LAMA1: variants seen among roughly 807,000 people sequenced by gnomAD.
LAMA1 encodes the protein laminin subunit alpha 1.
Under a neutral mutation model 348.7 loss-of-function variants are expected in LAMA1, and 219 were observed. The observed-to-expected ratio is 0.63, with a 90% CI of 0.56 to 0.70. The LOEUF is 0.70. LAMA1 is among the 30% of genes least tolerant of loss of function. The pLI is 0.00. For missense variants in LAMA1, 3,744 were observed against 3,888.0 expected, an observed-to-expected ratio of 0.96 and a Z score of 0.99; for synonymous variants, 1,487 against 1,491.0, an observed-to-expected ratio of 1.00 and a Z score of 0.06.
chr18:7,017,149 G>T, intron 20 of LAMA1, 129 bp downstream of exon 20: 1 of 787,796 alleles, frequency 1.3e-6, no homozygotes, highest in Non-Finnish European at 2.2e-6. Flanking sequence ...AAATTCCCCA[G>T]TCTTGGGTAG....
chr18:7,052,251 A>G (rs1373370944), intron 3 of LAMA1, among the ~76,000 whole-genome samples: 1 of 151,790 alleles, frequency 6.6e-6, no homozygotes, highest in Non-Finnish European at 1.5e-5. Context: ...GCAACATGGT[A>G]AAATCCCATC....
rs371859724 is a variant in LAMA1, at chr18:6,962,007, A to G, written c.7390T>C (p.Ser2464Pro). 2 of 1,614,202 alleles carry G rather than the reference A, an allele frequency of 1.2e-6. No individual in the cohort carries two copies. Among genetic ancestry groups the G allele is most frequent in the South Asian group, 1.1e-5 (1 of 91,090 alleles). ...CTGAGTAAGTCAAAGGTTGATCTGG[A>G]TATTTCCAGGTTCTTGATGCAGCCC... ...FVGCIKNLEI[S>P]RSTFDLLRNS... Residue 2464 changes from serine to proline, a missense_variant, in exon 52 of 63, where the codon TCC (serine) becomes CCC (proline). Physicochemically the swap from Ser to Pro is moderately conservative, Grantham distance 74 (BLOSUM62 -1). This residue lies in a region of LAMA1 where 1,983 missense variants were observed against 1,934.3 expected (regional missense o/e 1.03). Coordinates refer to ENST00000389658, the MANE Select transcript of LAMA1 (RefSeq NM_005559.4).
chr18:7,029,848 T>A (rs2144155824), intron 16 of LAMA1, among the ~76,000 whole-genome samples: 1 of 152,240 alleles, frequency 6.6e-6, no homozygotes, highest in South Asian at 2.1e-4. Context: ...TAAGAGCAAC[T>A]GGAACCTCAT....
intron 40 of LAMA1, 101 bp from the exon 41 acceptor site, chr18:6,982,691 C>T: frequency 2.0e-6 from 2 of 989,118 alleles, no homozygotes; most frequent in South Asian, 1.3e-5. Flanking sequence ...CAGACACATT[C>T]CCAGCAAGAA....
intron 42 of LAMA1, among the ~76,000 whole-genome samples, chr18:6,979,891 T>G (rs1444533579): frequency 6.6e-6 from 1 of 152,124 alleles, no homozygotes; most frequent in African/African-American, 2.4e-5. Flanking sequence ...AGAGCGAGAC[T>G]CTGTCTCAAA....
rs533010486 is a variant in LAMA1, at chr18:7,097,124, T to C, written c.62-16667A>G. On this transcript the variant is annotated intron_variant, in intron 1 of 62. Transcript: ENST00000389658. ...TCACAGCTGGGCTAGCCTGAGGTTTTAGTCCCAGTAGGGTGCATGCAACCG... is the reference window on the plus strand; with the variant it reads ...TCACAGCTGGGCTAGCCTGAGGTTTCAGTCCCAGTAGGGTGCATGCAACCG... Among the ~76,000 whole-genome samples, 4 of 152,294 alleles carry C rather than the reference T, an allele frequency of 2.6e-5. No individual in the cohort carries two copies. In the South Asian group the frequency reaches 6.2e-4, roughly 24 times the overall value.
At position 6,975,294 on chromosome 18, in the gene LAMA1, C is replaced by A. The variant is rs577464507; in HGVS notation, c.6490-258G>T. Among the ~76,000 whole-genome samples the A allele has an allele frequency of 3.9e-5, 6 of 152,254 alleles. No individual in the cohort carries two copies. The South Asian group carries it at 1.2e-3, about 32-fold the overall frequency. On this transcript the variant is annotated intron_variant, in intron 45 of 62. Transcript: ENST00000389658. The stretch of plus-strand genomic sequence containing the variant: ...CCTCCTCAATGTCTCCCACAGAGTC[C>A]CCAGGAAAATTCGCTGCAGGTCACA...
intron 1 of LAMA1, among the ~76,000 whole-genome samples, chr18:7,111,648 T>C (rs1031262253): frequency 6.6e-6 from 1 of 152,230 alleles, no homozygotes; most frequent in African/African-American, 2.4e-5. Flanking sequence ...GAAGGGTTTT[T>C]CCTCCTCGTT....
At chr18:6,943,956 A>G (rs1489901098) in intron 61 of LAMA1, among the ~76,000 whole-genome samples, 2 of 151,474 alleles carry the variant, frequency 1.3e-5, no homozygotes, top group Non-Finnish European at 2.9e-5. Flanking sequence ...TCCTTAAATG[A>G]GGGCCTCAAT....
At position 7,034,640 on chromosome 18, in the gene LAMA1, A is replaced by C; in HGVS notation, c.1890T>G (p.Pro630=). The C allele has an allele frequency of 6.2e-7, 1 of 1,614,102 alleles. No homozygotes were observed. Among genetic ancestry groups the C allele is most frequent in the East Asian group, 2.2e-5 (1 of 44,892 alleles). Residue 630 remains proline, a synonymous_variant, in exon 14 of 63, where the codon CCT becomes CCG. Coordinates refer to ENST00000389658, the MANE Select transcript of LAMA1 (RefSeq NM_005559.4). ...TAACCACGTTTAGGTACTCTTCATA[A>C]GGCTGCAATGACAGACCCTCAGCCT... ...STQAEGLSLQ[P]YEEYLNVVRL...
intron 15 of LAMA1, 104 bp from the exon 16 acceptor site, chr18:7,032,280 G>T: frequency 1.3e-6 from 1 of 751,172 alleles, no homozygotes. Context: ...TCTTAACTGA[G>T]GTATCATTTA....
chr18:7,057,471 CTTTTTTTTTTTTT>C (rs552843703), intron 3 of LAMA1, among the ~76,000 whole-genome samples: 1 of 90,808 alleles, frequency 1.1e-5, no homozygotes, highest in African/African-American at 3.6e-5. Context: ...CTTTTCTTTT[CTTTTTTTTTTTTT>C]TTTTTTTTGA....
At chr18:6,979,490 A>G (rs1239400817) in intron 42 of LAMA1, among the ~76,000 whole-genome samples, 1 of 152,246 alleles carries the variant, frequency 6.6e-6, no homozygotes, top group Non-Finnish European at 1.5e-5. Flanking sequence ...CAACATAGCA[A>G]GACACGGTCT....
At chr18:7,110,224 G>A (rs2058330561) in intron 1 of LAMA1, among the ~76,000 whole-genome samples, 1 of 150,366 alleles carries the variant, frequency 6.7e-6, no homozygotes, top group Admixed American at 6.6e-5. Context: ...TTACACTATA[G>A]CAGCTGGTTT....
In LAMA1 at chr18:6,955,424, G is replaced by A. The variant is rs570865672; in HGVS notation, c.8136C>T (p.Gly2712=). The A allele has an allele frequency of 1.4e-5, 22 of 1,614,076 alleles. No homozygotes were observed. The South Asian group carries it at 1.4e-4, about 10-fold the overall frequency. Residue 2712 remains glycine, a synonymous_variant, in exon 57 of 63, where the codon GGC becomes GGT. Transcript: ENST00000389658. ...VVDAALEYVP[G]AHQFGLTQNS... is the part of the protein sequence containing the mutation. ...TTTGTGTGAGACCAAACTGGTGAGC[G>A]CCGGGAACGTACTCCAGAGCTGCAT... is the stretch of plus-strand genomic sequence containing the variant.
rs377303682 is a variant in LAMA1 at position 7,016,054 on chromosome 18, G to C, written c.2990-196C>G. Among the ~76,000 whole-genome samples the C allele has an allele frequency of 1.7e-4, 26 of 152,246 alleles. No individual in the cohort carries two copies. The East Asian group carries it at 4.3e-3, about 25-fold the overall frequency. Reference sequence around the variant, plus strand: ...CATCTCAGGAGATGCTGAGGGAAGCGGGGAAATGGGGACAGGACAGGGGAA... The same window carrying C: ...CATCTCAGGAGATGCTGAGGGAAGCCGGGAAATGGGGACAGGACAGGGGAA... On this transcript the variant is annotated intron_variant, in intron 21 of 62. Coordinates refer to ENST00000389658, the MANE Select transcript of LAMA1 (RefSeq NM_005559.4).
At chr18:6,997,152 C>T (rs1285047416) in intron 33 of LAMA1, among the ~76,000 whole-genome samples, 5 of 151,080 alleles carry the variant, frequency 3.3e-5, no homozygotes, top group Admixed American at 6.6e-5. Flanking sequence ...CAACCTCCAC[C>T]TCCCAGGTTC....
chr18:7,099,669 A>G (rs2058283335), intron 1 of LAMA1, among the ~76,000 whole-genome samples: 1 of 152,078 alleles, frequency 6.6e-6, no homozygotes, highest in East Asian at 1.9e-4. Flanking sequence ...ACAAAAGAAA[A>G]TAATTGATCA....
Position 7,076,449 on chromosome 18 carries a change from G to A in LAMA1, c.345+3526C>T, listed in dbSNP as rs1459117824. Among the ~76,000 whole-genome samples the A allele has an allele frequency of 3.9e-5, 6 of 152,150 alleles. No individual in the cohort carries two copies. In the South Asian group the frequency reaches 1.2e-3, roughly 32 times the overall value. On this transcript the variant is annotated intron_variant, in intron 3 of 62. Coordinates refer to ENST00000389658, the MANE Select transcript of LAMA1 (RefSeq NM_005559.4). Reference sequence around the variant, plus strand: ...TCAGGTCTCTAGAGCTGAATTTGGTGTATAGGAAATAGAGAGCACAGAAGA... The same window carrying A: ...TCAGGTCTCTAGAGCTGAATTTGGTATATAGGAAATAGAGAGCACAGAAGA...
Sources: allele counts gnomAD v4.1 joint callset (sites outside exome capture counted in the v4.1 genomes callset), GRCh38; gene constraint gnomAD v4.1.1; regional missense constraint gnomAD v4.1.1; transcripts MANE v1.5; gene names NCBI Gene and HGNC (gene_info 2026-07-23, HGNC 2026-07-21).